The following EYA1 variants were observed in gnomAD, a reference collection of about 807,000 sequenced individuals.
EYA1 encodes protein phosphatase EYA1.
In EYA1, 16 loss-of-function variants were observed where a neutral mutation model predicts 82.0. That is an observed-to-expected ratio of 0.20 (90% CI 0.13 to 0.30). The LOEUF (loss-of-function observed/expected upper bound fraction) is 0.30, where lower values mean the gene tolerates loss of function less well. EYA1 is among the 10% of genes least tolerant of loss of function. The probability of loss-of-function intolerance (pLI) is 1.00; values close to 1 mark genes in which losing one functional copy is unlikely to be tolerated. For synonymous variants in EYA1, 261 were observed against 264.4 expected (o/e 0.99, Z 0.12); for missense variants, 633 against 730.7 (o/e 0.87, Z 1.54).
At chr8:71,423,603 A>G (rs919090015) in intron 2 of EYA1, among the ~76,000 whole-genome samples, 3 of 152,228 alleles carry the variant, frequency 2.0e-5, no homozygotes, top group Non-Finnish European at 4.4e-5. Context: ...TTGTATCTCT[A>G]CATAAAGGAT....
intron 12 of EYA1, among the ~76,000 whole-genome samples, chr8:71,229,041 A>G (rs1036300029): frequency 6.6e-6 from 1 of 152,226 alleles, no homozygotes; most frequent in Non-Finnish European, 1.5e-5. Context: ...CAATAGATGT[A>G]TTAGAAAAAT....
At chr8:71,441,723 A>G (rs1323990795) in intron 2 of EYA1, among the ~76,000 whole-genome samples, 3 of 152,158 alleles carry the variant, frequency 2.0e-5, no homozygotes, top group Non-Finnish European at 4.4e-5. Flanking sequence ...GTATAATAAT[A>G]TAGCTTTTAT....
chr8:71,221,371 A>G (rs1338674367), intron 12 of EYA1, among the ~76,000 whole-genome samples: 2 of 152,252 alleles, frequency 1.3e-5, no homozygotes, highest in Non-Finnish European at 2.9e-5. Context: ...ACCAGGCCTC[A>G]GAGAGGTGAG....
At chr8:71,441,482 T>C (rs1463707251) in intron 2 of EYA1, among the ~76,000 whole-genome samples, 1 of 152,162 alleles carries the variant, frequency 6.6e-6, no homozygotes, top group Non-Finnish European at 1.5e-5. Flanking sequence ...AATTTCTATC[T>C]GTCTCCCATA....
intron 9 of EYA1, among the ~76,000 whole-genome samples, chr8:71,291,900 T>A (rs1819037869): frequency 6.6e-6 from 1 of 152,158 alleles, no homozygotes; most frequent in South Asian, 2.1e-4. Flanking sequence ...CTGTATTTTA[T>A]TATGTATTGT....
At position 71,464,047 on chromosome 8, in the gene EYA1, G is replaced by C. The variant is rs556362589; in HGVS notation, c.33+71697C>G. On this transcript the variant is annotated intron_variant, in intron 2 of 18. Transcript: ENST00000643681. ...TTATAATAACAGAACCCACTAAACAGATTTTCCTTAGGTAGTTATTCATGT... is the reference window on the plus strand; with the variant it reads ...TTATAATAACAGAACCCACTAAACACATTTTCCTTAGGTAGTTATTCATGT... Among the ~76,000 whole-genome samples, 83 of 152,202 alleles carry C rather than the reference G, an allele frequency of 5.5e-4. 1 individual carries two copies. In the South Asian group the frequency reaches 0.017, roughly 31 times the overall value.
At chr8:71,397,111 C>T (rs543459958) in intron 2 of EYA1, among the ~76,000 whole-genome samples, 1 of 152,116 alleles carries the variant, frequency 6.6e-6, no homozygotes, top group South Asian at 2.1e-4. Flanking sequence ...GGATTGCAAC[C>T]CCTGCTTTTT....
At position 71,361,819 on chromosome 8, in the gene EYA1, C is replaced by A; in HGVS notation, c.-227G>T. The A allele has an allele frequency of 2.0e-6, 2 of 985,478 alleles. No homozygotes were observed. Among genetic ancestry groups the A allele is most frequent in the Non-Finnish European group, 2.4e-6 (2 of 829,954 alleles). The allele number at this position is 985,478 out of a possible 1,614,324, so 61.0% of individuals were successfully genotyped here. The stretch of plus-strand genomic sequence containing the variant: ...AGTGGAGCGCCTCTGCAGGGGAAAG[C>A]TCGGCGCAGGGGGCAGGCGCCTGGC... On this transcript the variant is annotated 5_prime_UTR_variant, in exon 1 of 18. Transcript: ENST00000340726.
upstream of EYA1, among the ~76,000 whole-genome samples, chr8:71,366,205 A>G (rs1198252889): frequency 6.6e-6 from 1 of 152,122 alleles, no homozygotes; most frequent in East Asian, 1.9e-4. Context: ...CTTGAAACTA[A>G]TAGTGATAGC....
At chr8:71,324,342 C>T (rs1022163361) in intron 4 of EYA1, among the ~76,000 whole-genome samples, 4 of 152,094 alleles carry the variant, frequency 2.6e-5, no homozygotes, top group African/African-American at 9.7e-5. Context: ...GGGAATTAAG[C>T]CTAGGTTCTG....
intron 12 of EYA1, among the ~76,000 whole-genome samples, chr8:71,219,745 C>T (rs970754380): frequency 6.6e-6 from 1 of 152,152 alleles, no homozygotes; most frequent in African/African-American, 2.4e-5. Flanking sequence ...CAGAACTGCA[C>T]AATGTGTTAA....
chr8:71,412,076 G>T (rs1830622517), intron 2 of EYA1, among the ~76,000 whole-genome samples: 2 of 149,650 alleles, frequency 1.3e-5, no homozygotes, highest in African/African-American at 2.5e-5. Flanking sequence ...CATGTCCTTT[G>T]TAGGGACATG....
chr8:71,339,242 G>A (rs948664571), intron 3 of EYA1, among the ~76,000 whole-genome samples: 15 of 152,044 alleles, frequency 9.9e-5, no homozygotes, highest in African/African-American at 3.1e-4. Context: ...AGCCAGCCAC[G>A]TCTAGCTCCC....
chr8:71,408,473 A>G (rs1432595648), intron 2 of EYA1, among the ~76,000 whole-genome samples: 4 of 110,602 alleles, frequency 3.6e-5, no homozygotes, highest in Non-Finnish European at 3.8e-5. Context: ...GTATTCAGGA[A>G]ACCCATCTCA....
intron 2 of EYA1, among the ~76,000 whole-genome samples, chr8:71,414,137 A>T (rs899867848): frequency 2.6e-5 from 4 of 152,202 alleles, no homozygotes; most frequent in Admixed American, 6.5e-5. Context: ...AGGCCAGGCC[A>T]TCAGGCACCC....
chr8:71,529,711 C>T (rs2278110), intron 2 of EYA1: 46,725 of 135,460 alleles, frequency 0.34, 7,603 homozygotes, highest in South Asian at 0.48. Context: ...GGTGGATGAC[C>T]CAGTAATGTA....
rs118159749 is a variant in EYA1, at chr8:71,354,557, T to C, written c.124+225A>G. 7.4e-3 allele frequency among the ~76,000 whole-genome samples: 1,125 copies of C among 152,344 alleles called. 10 individuals carry two copies. The highest frequency in any genetic ancestry group is 9.6e-3 in the Non-Finnish European group (654 of 68,032). ...TGTATAATATACATGTGTATATATGTATATGCATTTGGTGAAACGAAACCA... is the reference window on the plus strand; with the variant it reads ...TGTATAATATACATGTGTATATATGCATATGCATTTGGTGAAACGAAACCA... On this transcript the variant is annotated intron_variant, in intron 3 of 17. Coordinates refer to ENST00000340726, the MANE Select transcript of EYA1 (RefSeq NM_000503.6).
At chr8:71,491,813 C>T (rs1418758644) in intron 2 of EYA1, among the ~76,000 whole-genome samples, 1 of 152,136 alleles carries the variant, frequency 6.6e-6, no homozygotes, top group Non-Finnish European at 1.5e-5. Flanking sequence ...ACTAACAGTC[C>T]ATGAAGGTGT....
At chr8:71,301,689 G>C (rs76163447) in intron 7 of EYA1, among the ~76,000 whole-genome samples, 2,518 of 152,178 alleles carry the variant, frequency 0.017, 66 homozygotes, top group African/African-American at 0.058. Flanking sequence ...GAAGTTCCCA[G>C]AACACCTATC....
Sources: gnomAD v4.1 joint callset for allele counts (sites outside exome capture counted in the v4.1 genomes callset) on GRCh38, gnomAD v4.1.1 for gene constraint, MANE v1.5 for transcripts, NCBI Gene and HGNC (gene_info 2026-07-23, HGNC 2026-07-21) for gene names.